UBR4: variants seen among roughly 807,000 people sequenced by gnomAD.
The protein encoded by UBR4 is ubiquitin protein ligase E3 component n-recognin 4.
In UBR4, 124 loss-of-function variants were observed where a neutral mutation model predicts 575.6. That is an observed-to-expected ratio of 0.22 (90% CI 0.19 to 0.25). UBR4 has a LOEUF of 0.25. UBR4 is among the 10% of genes least tolerant of loss of function. The probability of loss-of-function intolerance (pLI) is 1.00; values close to 1 mark genes in which losing one functional copy is unlikely to be tolerated. For missense variants in UBR4, 4,818 were observed against 6,478.8 expected (o/e 0.74, Z 8.80); for synonymous variants, 2,455 against 2,473.7 (o/e 0.99, Z 0.22).
intron 39 of UBR4, 151 bp downstream of exon 39, chr1:19,159,960 G>A: frequency 1.0e-6 from 1 of 971,806 alleles, no homozygotes; most frequent in Non-Finnish European, 1.5e-6. Flanking sequence ...AATATGTTCT[G>A]GGCATGTCAT....
rs1255911237 is a variant in UBR4 at position 19,128,236 on chromosome 1, A to G, written c.9086T>C (p.Ile3029Thr). 3 of 1,613,936 alleles carry G rather than the reference A, an allele frequency of 1.9e-6. No individual in the cohort carries two copies. In the South Asian group the frequency reaches 3.3e-5, roughly 18 times the overall value. The change falls in exon 62 of 106, where the codon ATT becomes ACT. Residue 3029 changes from isoleucine (I) to threonine (T), a missense_variant. Physicochemically the swap from Ile to Thr is moderately conservative, Grantham distance 89 (BLOSUM62 -1). Around this residue, in one of 29 missense-constraint regions of UBR4, gnomAD observed 550 missense variants for 791.5 expected, o/e 0.69. Transcript: ENST00000375254. The stretch of plus-strand genomic sequence containing the variant: ...CTTTTTATCCATACCCAACTCAGCA[A>G]TAAGCTGGGAGAGCAGGTTGTCTAG... ...GALDNLLSQL[I>T]AELGMDKKDV...
At chr1:19,105,219 T>G (rs750479753) in intron 84 of UBR4, 30 bp from the exon 85 acceptor site, 25 of 1,597,998 alleles carry the variant, frequency 1.6e-5, no homozygotes, top group Non-Finnish European at 2.1e-5. Context: ...GGCACTCTAG[T>G]CAAGAACTCT....
At chr1:19,168,268 C>T in intron 27 of UBR4, 84 bp from the exon 28 acceptor site, 2 of 1,356,606 alleles carry the variant, frequency 1.5e-6, no homozygotes, top group South Asian at 3.2e-5. Flanking sequence ...CTGACATAAA[C>T]TAAGACCCCA....
In UBR4 at chr1:19,160,237, G is replaced by T. The variant is rs375657105; in HGVS notation, c.5451C>A (p.Phe1817Leu). 1 of 1,611,588 alleles carries T rather than the reference G, an allele frequency of 6.2e-7. No homozygotes were observed. Among genetic ancestry groups the T allele is most frequent in the Non-Finnish European group, 8.5e-7 (1 of 1,179,456 alleles). The change falls in exon 39 of 106, where the codon TTC becomes TTA. Residue 1817 changes from phenylalanine to leucine, a missense_variant. Transcript: ENST00000375254. The part of the protein sequence containing the change: ...FAPLVLDMLN[F>L]LMDAIQTNFQ... ...AGTTGGTCTGAATGGCATCCATAAG[G>T]AAATTAAGCATGTCTAACACGAGAG...
In UBR4 at chr1:19,086,287, G is replaced by T; in HGVS notation, c.14688-17C>A. 1 of 1,429,852 alleles carries T rather than the reference G, an allele frequency of 7.0e-7. No individual in the cohort carries two copies. The allele number at this position is 1,429,852 out of a possible 1,614,324, so 88.6% of individuals were successfully genotyped here. A position where few individuals can be genotyped will look rare whatever the true frequency, so the allele number is the denominator to read the frequency against. Reference sequence around the variant, plus strand: ...CGAGCCAACCTGGATAGGGAGGAGAGCAGGGACAAGCGACTGCTGGCATTA... The same window carrying T: ...CGAGCCAACCTGGATAGGGAGGAGATCAGGGACAAGCGACTGCTGGCATTA... On this transcript the variant is annotated splice_polypyrimidine_tract_variant and intron_variant, in intron 100 of 105. Coordinates refer to ENST00000375254, the MANE Select transcript of UBR4 (RefSeq NM_020765.3).
chr1:19,104,014 T>C (rs1478654357), intron 87 of UBR4, 70 bp downstream of exon 87: 7 of 1,545,678 alleles, frequency 4.5e-6, no homozygotes, highest in Non-Finnish European at 6.1e-6. Flanking sequence ...CTGGGGGAAA[T>C]TGGTCGAATG....
Position 19,105,202 on chromosome 1 carries a change from G to A in UBR4, c.12504-13C>T, listed in dbSNP as rs768616892. 30 of 1,608,556 alleles carry A rather than the reference G, an allele frequency of 1.9e-5. No homozygotes were observed. Among genetic ancestry groups the A allele is most frequent in the Non-Finnish European group, 2.5e-5 (30 of 1,178,196 alleles). ...CTCATCCAGGTAACTGCCACCAAGA[G>A]GGACAGGGCACTCTAGTCAAGAACT... On this transcript the variant is annotated splice_polypyrimidine_tract_variant and intron_variant, in intron 84 of 105. Transcript: ENST00000375254.
At position 19,175,028 on chromosome 1, in the gene UBR4, C is replaced by G. The variant is rs1257569609; in HGVS notation, c.2779G>C (p.Val927Leu). 1.2e-6 allele frequency: 2 copies of G among 1,613,586 alleles called. No individual in the cohort carries two copies. The highest frequency in any genetic ancestry group is 2.2e-5 in the South Asian group (2 of 91,046). Residue 927 changes from valine to leucine, a missense_variant, in exon 21 of 106, where the codon GTC becomes CTC. Transcript: ENST00000375254. ...ACACAGTAGAATCTGGGGTGTGGGA[C>G]AGCATCTGAAAAGTAATATGCTGAT... ...NWSKHFSSDAVPHPRFYCVLS... is the reference protein window; with the variant it reads ...NWSKHFSSDALPHPRFYCVLS...
Position 19,187,432 on chromosome 1 carries a change from C to T in UBR4, c.1494+9G>A. 6.2e-7 allele frequency: 1 copy of T among 1,614,012 alleles called. No homozygotes were observed. Among genetic ancestry groups the T allele is most frequent in the Non-Finnish European group, 8.5e-7 (1 of 1,179,948 alleles). ...AATATGCTGATTACCATGGGGATAA[C>T]CTCCTCACCTTGTGAAGGGCCTCCA... is the stretch of plus-strand genomic sequence containing the variant. On this transcript the variant is annotated intron_variant, in intron 12 of 105. Transcript: ENST00000375254.
chr1:19,162,155 G>C (rs2087487415), intron 35 of UBR4, among the ~76,000 whole-genome samples: 1 of 152,170 alleles, frequency 6.6e-6, no homozygotes, highest in East Asian at 1.9e-4. Flanking sequence ...CCCCCATGAA[G>C]AACTTATCCC....
chr1:19,100,053 G>A lies in UBR4; in HGVS notation c.13221+323C>T. 2.3e-6 allele frequency: 1 copy of A among 436,146 alleles called. No homozygotes were observed. Among genetic ancestry groups the A allele is most frequent in the Non-Finnish European group, 4.1e-6 (1 of 244,312 alleles). The allele number at this position is 436,146 out of a possible 1,614,324, so 27.0% of individuals were successfully genotyped here. On this transcript the variant is annotated intron_variant, in intron 89 of 105. Coordinates refer to ENST00000375254, the MANE Select transcript of UBR4 (RefSeq NM_020765.3). This position sits in a 1 kb window ranked among gnomAD's most constrained non-coding sequence, Gnocchi z 4.2. ...ACAGGGGGTAAAACGCCAATATTTA[G>A]GGGGCTCAGGTAACTCAGACTCACC... is the stretch of plus-strand genomic sequence containing the variant.
chr1:19,161,535 T>C, intron 37 of UBR4, 54 bp downstream of exon 37: 1 of 1,538,160 alleles, frequency 6.5e-7, no homozygotes, highest in Admixed American at 2.1e-5. Context: ...TTGGCTTCAG[T>C]AATCCCGTGT....
chr1:19,147,523 T>C (rs1354980336), intron 51 of UBR4, among the ~76,000 whole-genome samples: 1 of 152,186 alleles, frequency 6.6e-6, no homozygotes, highest in Non-Finnish European at 1.5e-5. Context: ...CCTTTGGCAA[T>C]GCCTTTCTTT....
intron 87 of UBR4, among the ~76,000 whole-genome samples, chr1:19,102,922 C>T (rs940845221): frequency 1.3e-5 from 2 of 152,184 alleles, no homozygotes; most frequent in Non-Finnish European, 2.9e-5. Context: ...CCTCTGAAAA[C>T]TTGTAATGAG....
chr1:19,206,748 CTTT>C (rs2093032572), intron 1 of UBR4, among the ~76,000 whole-genome samples: 1 of 152,172 alleles, frequency 6.6e-6, no homozygotes, highest in Non-Finnish European at 1.5e-5. Context: ...ATTCAGATAT[CTTT>C]TTCTTTTAAA....
chr1:19,136,342 A>T (rs1483239883), intron 60 of UBR4, among the ~76,000 whole-genome samples: 2 of 152,242 alleles, frequency 1.3e-5, no homozygotes, highest in Non-Finnish European at 2.9e-5. Context: ...AGAAGACATT[A>T]AAAAAGTTAA....
chr1:19,206,615 C>T (rs866577844), intron 1 of UBR4, among the ~76,000 whole-genome samples: 3 of 152,122 alleles, frequency 2.0e-5, no homozygotes, highest in African/African-American at 4.8e-5. Flanking sequence ...AGATTACAGG[C>T]GTGAGCCACT....
At chr1:19,105,367 T>C (rs942180) in intron 84 of UBR4, among the ~76,000 whole-genome samples, 178 bp from the exon 85 acceptor site, 151,866 of 152,304 alleles carry the variant, frequency 1, 75,717 homozygotes, top group East Asian at 1. Flanking sequence ...ATTTCCCACA[T>C]CTAGGAAGCA....
At chr1:19,203,518 T>C (rs1267327646) in intron 1 of UBR4, among the ~76,000 whole-genome samples, 6 of 149,420 alleles carry the variant, frequency 4.0e-5, no homozygotes, top group African/African-American at 1.5e-4. Context: ...AAAAAAAGTA[T>C]CATCCTAAGA....
Sources: allele counts gnomAD v4.1 joint callset (sites outside exome capture counted in the v4.1 genomes callset), GRCh38; gene constraint gnomAD v4.1.1; regional missense constraint gnomAD v4.1.1; non-coding constraint Gnocchi (gnomAD v3.1); transcripts MANE v1.5; gene names NCBI Gene and HGNC (gene_info 2026-07-23, HGNC 2026-07-21).